Variants in EP400 observed in about 807,000 individuals in gnomAD.
EP400 encodes E1A-binding protein p400.
A neutral mutation model predicts 354.1 loss-of-function variants in EP400; 105 were observed. The observed-to-expected ratio is 0.30, with a 90% CI of 0.25 to 0.35. The LOEUF (loss-of-function observed/expected upper bound fraction) is 0.35, where lower values mean the gene tolerates loss of function less well. Ranked by LOEUF, EP400 falls within the 10% of genes least tolerant of loss-of-function variation. The pLI is 1.00. For synonymous variants in EP400, 1,646 were observed against 1,716.9 expected (o/e 0.96, Z 1.02); for missense variants, 3,280 against 4,121.0 (o/e 0.80, Z 5.59).
intron 2 of EP400, among the ~76,000 whole-genome samples, chr12:131,963,002 T>C (rs960218316): frequency 6.6e-6 from 1 of 152,254 alleles, no homozygotes; most frequent in East Asian, 1.9e-4. Context: ...TGGACCATAT[T>C]TGTTTTTCAA....
At chr12:132,074,731 C>G (rs1235685416) in intron 51 of EP400, among the ~76,000 whole-genome samples, 1 of 152,122 alleles carries the variant, frequency 6.6e-6, no homozygotes, top group Non-Finnish European at 1.5e-5. Flanking sequence ...CTCATTTTTC[C>G]CTTGGTTAAG....
At position 132,027,935 on chromosome 12, in the gene EP400, C is replaced by T. The variant is rs1894362983; in HGVS notation, c.5110-82C>T. On this transcript the variant is annotated intron_variant, in intron 26 of 52. Coordinates refer to ENST00000389561, the MANE Select transcript of EP400 (RefSeq NM_015409.5). The surrounding 1 kb of genome is among the most constrained non-coding windows in gnomAD (Gnocchi z 4.9). ...AGTGGATCTCATATGTGGGAAATCACGGGCTGGGTGGGGGGTTGGTGAAGA... is the reference window on the plus strand; with the variant it reads ...AGTGGATCTCATATGTGGGAAATCATGGGCTGGGTGGGGGGTTGGTGAAGA... 4 of 1,469,734 alleles carry T rather than the reference C, an allele frequency of 2.7e-6. No individual in the cohort carries two copies. Among genetic ancestry groups the T allele is most frequent in the East Asian group, 2.3e-5 (1 of 43,570 alleles). The allele number at this position is 1,469,734 out of a possible 1,614,324, so 91.0% of individuals were successfully genotyped here. A position where few individuals can be genotyped will look rare whatever the true frequency, so the allele number is the denominator to read the frequency against.
At chr12:131,981,946 G>A (rs1316401113) in intron 4 of EP400, 147 bp from the exon 5 acceptor site, 23 of 1,079,856 alleles carry the variant, frequency 2.1e-5, no homozygotes, top group Non-Finnish European at 2.6e-5. Context: ...CTTTCCTTTT[G>A]TGTGTGCTCG....
intron 41 of EP400, among the ~76,000 whole-genome samples, chr12:132,051,326 G>T (rs767889332): frequency 6.6e-6 from 1 of 152,178 alleles, no homozygotes; most frequent in Non-Finnish European, 1.5e-5. Context: ...ACGAGAGAGC[G>T]TAGAAATAAA....
intron 44 of EP400, 31 bp downstream of exon 44, chr12:132,055,050 G>T (rs543034119): frequency 1.2e-5 from 19 of 1,613,870 alleles, no homozygotes; most frequent in East Asian, 6.7e-5. Context: ...CTGAAATGTG[G>T]ACCCCATTTC....
At chr12:132,061,966 C>T (rs905785011) in intron 45 of EP400, 144 bp from the exon 46 acceptor site, 1 of 662,190 alleles carries the variant, frequency 1.5e-6, no homozygotes. Context: ...ATGAAATCAG[C>T]AGTTTTCAAA....
rs1489853319 is a variant in EP400, at chr12:132,011,397, C to T, written c.3305-101C>T. ...CTCAGTCGTGCGATGGCTCATGTGA[C>T]ACATACTCATACTGATGAAGCGTCT... On this transcript the variant is annotated intron_variant, in intron 15 of 52. Coordinates refer to ENST00000389561, the MANE Select transcript of EP400 (RefSeq NM_015409.5). The T allele has an allele frequency of 2.8e-6, 4 of 1,430,152 alleles. No homozygotes were observed. In the African/African-American group the frequency reaches 4.3e-5, roughly 15 times the overall value. The allele number at this position is 1,430,152 out of a possible 1,614,324, so 88.6% of individuals were successfully genotyped here.
chr12:132,006,191 C>G lies in EP400; in HGVS notation c.3015C>G (p.Phe1005Leu), dbSNP rs376435903. 1 of 1,614,146 alleles carries G rather than the reference C, an allele frequency of 6.2e-7. No homozygotes were observed. Among genetic ancestry groups the G allele is most frequent in the Non-Finnish European group, 8.5e-7 (1 of 1,180,046 alleles). The change falls in exon 14 of 53, where the codon TTC becomes TTG. Residue 1005 changes from phenylalanine to leucine, a missense_variant. Coordinates refer to ENST00000389561, the MANE Select transcript of EP400 (RefSeq NM_015409.5). Reference sequence around the variant, plus strand: ...ACTCGCTTTTCATCATGGATCAGTTCAAAGCTGCCGAGAGGATGAATATCG... The same window carrying G: ...ACTCGCTTTTCATCATGGATCAGTTGAAAGCTGCCGAGAGGATGAATATCG... ...LIDSLFIMDQ[F>L]KAAERMNIGK...
intron 51 of EP400, among the ~76,000 whole-genome samples, chr12:132,074,994 C>T (rs1204662110): frequency 1.3e-5 from 2 of 152,176 alleles, no homozygotes; most frequent in African/African-American, 4.8e-5. Context: ...CACAGGAACA[C>T]TGCTTGGTGT....
intron 51 of EP400, among the ~76,000 whole-genome samples, chr12:132,073,730 C>T (rs1237507300): frequency 2.0e-5 from 3 of 152,020 alleles, no homozygotes; most frequent in South Asian, 4.2e-4. Flanking sequence ...GGATTATAGG[C>T]GTGAGCCACC....
At chr12:132,073,634 A>C (rs1896134881) in intron 51 of EP400, among the ~76,000 whole-genome samples, 1 of 151,300 alleles carries the variant, frequency 6.6e-6, no homozygotes, top group African/African-American at 2.4e-5. Flanking sequence ...TTGTATTTTT[A>C]GTAGAGATGG....
chr12:132,002,241 T>C (rs1030452794), intron 12 of EP400, among the ~76,000 whole-genome samples: 7 of 152,248 alleles, frequency 4.6e-5, no homozygotes, highest in African/African-American at 1.7e-4. Context: ...GCCTGTTCTA[T>C]TAATAATTGG....
rs1894018360 is a variant in EP400, at chr12:132,018,481, A to G, written c.4277+105A>G. On this transcript the variant is annotated intron_variant, in intron 21 of 52. Coordinates refer to ENST00000389561, the MANE Select transcript of EP400 (RefSeq NM_015409.5). The surrounding 1 kb of genome is among the most constrained non-coding windows in gnomAD (Gnocchi z 4.0). The stretch of plus-strand genomic sequence containing the variant: ...GAAAGGCTGCTAATGTAGTTAGGTT[A>G]TCTGCTGCTCTTGGGACCTTGCTGG... 4.2e-6 allele frequency: 6 copies of G among 1,444,026 alleles called. No individual in the cohort carries two copies. Among genetic ancestry groups the G allele is most frequent in the Non-Finnish European group, 5.5e-6 (6 of 1,083,304 alleles). 89.5% of individuals were successfully genotyped at this position (1,444,026 alleles called of 1,614,324 possible). A position where few individuals can be genotyped will look rare whatever the true frequency, so the allele number is the denominator to read the frequency against.
chr12:131,951,438 C>T (rs1891489496), intron 1 of EP400, among the ~76,000 whole-genome samples: 1 of 152,116 alleles, frequency 6.6e-6, no homozygotes, highest in Non-Finnish European at 1.5e-5. Flanking sequence ...CCGCCTTGGC[C>T]TCCTAGTGCT....
chr12:132,023,196 G>A (rs969282528), intron 23 of EP400, among the ~76,000 whole-genome samples: 9 of 145,274 alleles, frequency 6.2e-5, no homozygotes, highest in Non-Finnish European at 1.2e-4. Flanking sequence ...GCAATGGCCT[G>A]ATCTTAGTTC....
At chr12:132,034,055 G>A (rs1894612566) in intron 30 of EP400, among the ~76,000 whole-genome samples, 1 of 152,182 alleles carries the variant, frequency 6.6e-6, no homozygotes, top group African/African-American at 2.4e-5. Context: ...GGCTCACACT[G>A]TGTCTTCTTT....
In EP400 at chr12:132,013,862, G is replaced by C; in HGVS notation, c.3872G>C (p.Arg1291Pro). 2 of 1,614,186 alleles carry C rather than the reference G, an allele frequency of 1.2e-6. No homozygotes were observed. Among genetic ancestry groups the C allele is most frequent in the Non-Finnish European group, 1.7e-6 (2 of 1,180,036 alleles). ...TKKYEHVLKC[R>P]LSNRQKALYE... ...AAATATGAGCATGTTTTGAAGTGTCGCCTTTCTAACCGACAAAAAGCCTTA... is the reference window on the plus strand; with the variant it reads ...AAATATGAGCATGTTTTGAAGTGTCCCCTTTCTAACCGACAAAAAGCCTTA... The change falls in exon 19 of 53, where the codon CGC becomes CCC. Residue 1291 changes from arginine (R) to proline (P), a missense_variant. Arg to Pro is a moderately radical substitution (Grantham distance 103). This residue lies in a region of EP400 where 242 missense variants were observed against 357.9 expected (regional missense o/e 0.68). Coordinates refer to ENST00000389561, the MANE Select transcript of EP400 (RefSeq NM_015409.5). This position sits in a 1 kb window ranked among gnomAD's most constrained non-coding sequence, Gnocchi z 4.5.
intron 14 of EP400, 30 bp from the exon 15 acceptor site, chr12:132,006,670 T>A: frequency 6.5e-7 from 1 of 1,549,844 alleles, no homozygotes; most frequent in South Asian, 1.2e-5. Context: ...TTTGACGAGC[T>A]GTCATTCTTT....
intron 15 of EP400, among the ~76,000 whole-genome samples, chr12:132,008,919 CTTT>C (rs774921042): frequency 1.7e-5 from 2 of 114,742 alleles, no homozygotes; most frequent in African/African-American, 6.7e-5. Flanking sequence ...CGTGCCCAGC[CTTT>C]TTTTTTTTTT....
Sources: gnomAD v4.1 joint callset for allele counts (sites outside exome capture counted in the v4.1 genomes callset) on GRCh38, gnomAD v4.1.1 for gene constraint, gnomAD v4.1.1 regional missense constraint, Gnocchi (gnomAD v3.1) non-coding constraint, MANE v1.5 for transcripts, NCBI Gene and HGNC (gene_info 2026-07-23, HGNC 2026-07-21) for gene names.